SCAI: variants seen among roughly 807,000 people sequenced by gnomAD.
SCAI encodes suppressor of cancer cell invasion, also known as protein SCAI.
SCAI carries 24 observed loss-of-function variants against 92.2 expected under a neutral mutation model. That is an observed-to-expected ratio of 0.26 (90% CI 0.19 to 0.37). The LOEUF is 0.37. SCAI is among the 10% of genes least tolerant of loss of function. The pLI, the probability that SCAI is intolerant of heterozygous loss-of-function variation, is 1.00. For missense variants in SCAI, 450 were observed against 736.2 expected, an observed-to-expected ratio of 0.61 and a Z score of 4.50; for synonymous variants, 261 against 258.6, an observed-to-expected ratio of 1.01 and a Z score of -0.09.
At chr9:125,084,202 G>A (rs1322644374) in intron 2 of SCAI, among the ~76,000 whole-genome samples, 6 of 101,826 alleles carry the variant, frequency 5.9e-5, no homozygotes, top group South Asian at 3.2e-4. Context: ...ATGGAGTCTC[G>A]CTCTTTTGCC....
intron 3 of SCAI, among the ~76,000 whole-genome samples, chr9:125,031,281 G>A (rs1459779428): frequency 6.7e-6 from 1 of 149,438 alleles, no homozygotes; most frequent in Non-Finnish European, 1.5e-5. Context: ...TTTTTTTTGA[G>A]ATGGAGTCGC....
At chr9:124,978,118 A>C (rs1289395243) in intron 14 of SCAI, among the ~76,000 whole-genome samples, 1 of 152,188 alleles carries the variant, frequency 6.6e-6, no homozygotes, top group Non-Finnish European at 1.5e-5. Context: ...TCTGGAACTC[A>C]CATTACAAAG....
At chr9:125,122,642 C>T (rs995104983) in intron 2 of SCAI, among the ~76,000 whole-genome samples, 14 of 145,694 alleles carry the variant, frequency 9.6e-5, no homozygotes, top group African/African-American at 2.3e-4. Flanking sequence ...CAGTGGCTCA[C>T]GCCAGTAATC....
rs372964615 is a variant in SCAI at position 125,117,665 on chromosome 9, C to CAAA, written c.98+24965_98+24967dup. Among the ~76,000 whole-genome samples, 253 of 44,816 alleles carry CAAA rather than the reference C, an allele frequency of 5.6e-3. 5 individuals are homozygous for CAAA. Among genetic ancestry groups the CAAA allele is most frequent in the Middle Eastern group, 0.023 (2 of 86 alleles). 29.4% of individuals were successfully genotyped at this position (44,816 alleles called of 152,430 possible). On this transcript the variant is annotated intron_variant, in intron 2 of 17. Transcript: ENST00000336505. ...TGGGCGACAGAGTGAGACTCCATCTCAAAAAAAAAAAAAAAAAAAAAAAAG... is the reference window on the plus strand; with the variant it reads ...TGGGCGACAGAGTGAGACTCCATCTCAAAAAAAAAAAAAAAAAAAAAAAAAAAG...
intron 17 of SCAI, among the ~76,000 whole-genome samples, chr9:124,956,367 C>T (rs1831315009): frequency 6.6e-6 from 1 of 151,994 alleles, no homozygotes; most frequent in Non-Finnish European, 1.5e-5. Flanking sequence ...TACAGGCATG[C>T]GCCACCACGC....
intron 3 of SCAI, among the ~76,000 whole-genome samples, chr9:125,039,228 T>C (rs1287367833): frequency 2.0e-5 from 3 of 151,650 alleles, no homozygotes; most frequent in African/African-American, 7.3e-5. Context: ...CTACTAAAAA[T>C]ACAAAAGAAT....
At chr9:125,043,844 C>T (rs1019402673) in intron 3 of SCAI, among the ~76,000 whole-genome samples, 2 of 152,140 alleles carry the variant, frequency 1.3e-5, no homozygotes, top group South Asian at 2.1e-4. Flanking sequence ...CTGCATGCTC[C>T]ACAGAATGGG....
At chr9:125,072,287 G>A (rs573564393) in intron 2 of SCAI, among the ~76,000 whole-genome samples, 1 of 152,298 alleles carries the variant, frequency 6.6e-6, no homozygotes, top group East Asian at 1.9e-4. Flanking sequence ...CTCCCAATGT[G>A]CTGGGATTAC....
chr9:125,123,951 G>A (rs1835210983), intron 2 of SCAI, among the ~76,000 whole-genome samples: 1 of 152,194 alleles, frequency 6.6e-6, no homozygotes. Context: ...AGAGAACTTA[G>A]GAGAAAGAAA....
chr9:125,036,022 T>C (rs976117975), intron 3 of SCAI, among the ~76,000 whole-genome samples: 2 of 152,202 alleles, frequency 1.3e-5, no homozygotes, highest in Non-Finnish European at 2.9e-5. Flanking sequence ...GCCAGGGGCA[T>C]GCTTGTAGTC....
At chr9:124,957,653 A>AG (rs1398966774) in intron 17 of SCAI, among the ~76,000 whole-genome samples, 1 of 148,312 alleles carries the variant, frequency 6.7e-6, no homozygotes, top group Non-Finnish European at 1.5e-5. Context: ...TAGAGGTGTG[A>AG]GGTACCGCGC....
intron 2 of SCAI, among the ~76,000 whole-genome samples, chr9:125,141,059 G>A (rs1588260744): frequency 1.3e-5 from 2 of 151,954 alleles, no homozygotes; most frequent in South Asian, 2.1e-4. Context: ...ATAAAATGAC[G>A]GATGAAAAAT....
intron 2 of SCAI, among the ~76,000 whole-genome samples, chr9:125,102,353 G>T (rs1011158923): frequency 6.6e-6 from 1 of 151,942 alleles, no homozygotes; most frequent in East Asian, 1.9e-4. Flanking sequence ...ACTTAAATCG[G>T]TAAGAGGCCA....
intron 2 of SCAI, among the ~76,000 whole-genome samples, chr9:125,105,821 G>A (rs544117152): frequency 1.3e-5 from 2 of 151,852 alleles, no homozygotes; most frequent in East Asian, 1.9e-4. Context: ...ATAGTTGGCC[G>A]GGCGCGGTGG....
At chr9:125,092,196 T>C (rs1392489148) in intron 2 of SCAI, among the ~76,000 whole-genome samples, 1 of 134,976 alleles carries the variant, frequency 7.4e-6, no homozygotes, top group African/African-American at 2.7e-5. Flanking sequence ...TGGTGGCTCA[T>C]GCCTGTAATC....
At chr9:125,075,230 A>G (rs1358211936) in intron 2 of SCAI, among the ~76,000 whole-genome samples, 1 of 152,182 alleles carries the variant, frequency 6.6e-6, no homozygotes, top group Non-Finnish European at 1.5e-5. Flanking sequence ...TAGAGAACTC[A>G]CAGAGGCAGA....
intron 14 of SCAI, among the ~76,000 whole-genome samples, chr9:124,991,815 C>T (rs1157413571): frequency 1.3e-5 from 2 of 152,080 alleles, no homozygotes; most frequent in South Asian, 2.1e-4. Flanking sequence ...CCAGCCTGGG[C>T]GACAGAGCAA....
At chr9:125,131,104 T>C (rs1189073704) in intron 2 of SCAI, among the ~76,000 whole-genome samples, 2 of 151,802 alleles carry the variant, frequency 1.3e-5, no homozygotes, top group African/African-American at 4.8e-5. Flanking sequence ...CAAACAGATA[T>C]TTTTTTAAAA....
At chr9:125,096,918 TAC>T (rs1834569106) in intron 2 of SCAI, among the ~76,000 whole-genome samples, 2 of 152,226 alleles carry the variant, frequency 1.3e-5, no homozygotes, top group African/African-American at 4.8e-5. Context: ...AAAATATATA[TAC>T]TCCTGACTAT....
Sources: allele counts gnomAD v4.1 joint callset (sites outside exome capture counted in the v4.1 genomes callset), GRCh38; gene constraint gnomAD v4.1.1; transcripts MANE v1.5; gene names NCBI Gene and HGNC (gene_info 2026-07-23, HGNC 2026-07-21).